The following NELL1 variants were observed in gnomAD, a reference collection of about 807,000 sequenced individuals.
The protein encoded by NELL1 is protein kinase C-binding protein NELL1.
Under a neutral mutation model 107.4 loss-of-function variants are expected in NELL1, and 76 were observed. The ratio of observed to expected loss-of-function variants is 0.71; its 90% confidence interval spans 0.59 to 0.86. NELL1 has a LOEUF of 0.86. Ranked by LOEUF, NELL1 falls within the 40% of genes least tolerant of loss-of-function variation. NELL1 has a pLI of 0.00. For synonymous variants in NELL1, 353 were observed against 341.2 expected (o/e 1.03, Z -0.38); for missense variants, 1,024 against 1,005.5 (o/e 1.02, Z -0.25).
intron 2 of NELL1, among the ~76,000 whole-genome samples, chr11:20,778,420 T>C (rs1277267821): frequency 6.6e-6 from 1 of 151,752 alleles, no homozygotes; most frequent in Non-Finnish European, 1.5e-5. Flanking sequence ...TGAAGTTGCT[T>C]CTATTTGAGG....
intron 14 of NELL1, among the ~76,000 whole-genome samples, chr11:21,339,727 C>T (rs1460568168): frequency 1.3e-5 from 2 of 152,136 alleles, no homozygotes; most frequent in African/African-American, 4.8e-5. Flanking sequence ...ATTGTAGCTA[C>T]CAATAAGAAT....
At chr11:20,724,099 C>T (rs888189135) in intron 2 of NELL1, among the ~76,000 whole-genome samples, 1 of 151,622 alleles carries the variant, frequency 6.6e-6, no homozygotes, top group Non-Finnish European at 1.5e-5. Flanking sequence ...GCAGCTGGGC[C>T]CTGGGCCTGG....
chr11:21,298,799 G>GCAA (rs775187577), intron 14 of NELL1, among the ~76,000 whole-genome samples: 1 of 151,942 alleles, frequency 6.6e-6, no homozygotes, highest in Non-Finnish European at 1.5e-5. Context: ...AGCAGCAGCA[G>GCAA]CAACAACAAC....
At chr11:21,302,954 A>G (rs1849526174) in intron 14 of NELL1, among the ~76,000 whole-genome samples, 2 of 151,910 alleles carry the variant, frequency 1.3e-5, no homozygotes, top group East Asian at 1.9e-4. Context: ...CTAGGAACTC[A>G]AGAGACTGAA....
chr11:21,560,062 C>T, intron 16 of NELL1, 127 bp from the exon 17 acceptor site: 1 of 837,250 alleles, frequency 1.2e-6, no homozygotes, highest in South Asian at 1.5e-5. Flanking sequence ...TACATGTGAA[C>T]AGCTTGGCAG....
intron 14 of NELL1, among the ~76,000 whole-genome samples, chr11:21,331,920 T>A (rs886744043): frequency 3.3e-5 from 5 of 152,000 alleles, no homozygotes; most frequent in African/African-American, 1.2e-4. Flanking sequence ...CTAAATAAAA[T>A]CAGTGATTTT....
chr11:21,195,567 T>TAAAAAA (rs71063692), intron 13 of NELL1, among the ~76,000 whole-genome samples: 1 of 134,670 alleles, frequency 7.4e-6, no homozygotes, highest in African/African-American at 2.8e-5. Flanking sequence ...TTAAGAAAAG[T>TAAAAAA]AAAAAAAAAA....
chr11:21,489,520 T>G (rs116226356), intron 15 of NELL1, among the ~76,000 whole-genome samples: 350 of 151,074 alleles, frequency 2.3e-3, no homozygotes, highest in African/African-American at 8.1e-3. Context: ...ATATCCCTGA[T>G]GAAATTAGAT....
rs568967015 is a variant in NELL1, at chr11:21,283,870, T to C, written c.1549+54416T>C. The C allele has an allele frequency of 8.5e-4, 192 of 224,970 alleles. 2 individuals carry two copies. The South Asian group carries it at 9.7e-3, about 11-fold the overall frequency. The allele number at this position is 224,970 out of a possible 1,614,324, so 13.9% of individuals were successfully genotyped here. On this transcript the variant is annotated intron_variant, in intron 14 of 19. Transcript: ENST00000357134. ...TTGGCTACTCCTGGGATATTTTACT[T>C]GGCTGTGAGATCCCCCTGAGAAGCT...
At chr11:20,693,344 T>G (rs1336860053) in intron 2 of NELL1, among the ~76,000 whole-genome samples, 2 of 152,092 alleles carry the variant, frequency 1.3e-5, no homozygotes, top group Admixed American at 6.6e-5. Context: ...GTTAGCTGGT[T>G]ATTTTGCTTG....
At chr11:20,804,511 C>T (rs1049505460) in intron 3 of NELL1, among the ~76,000 whole-genome samples, 6 of 152,336 alleles carry the variant, frequency 3.9e-5, no homozygotes, top group Admixed American at 3.3e-4. Flanking sequence ...GCTGGGAATA[C>T]AGGCAATTTT....
intron 13 of NELL1, among the ~76,000 whole-genome samples, chr11:21,163,513 A>G (rs1856417583): frequency 2.0e-5 from 3 of 152,156 alleles, no homozygotes; most frequent in Admixed American, 2.0e-4. Flanking sequence ...TGAATCCCTA[A>G]TCCCCAATGT....
chr11:21,532,296 CT>C (rs1856010352), intron 15 of NELL1, among the ~76,000 whole-genome samples: 1 of 152,182 alleles, frequency 6.6e-6, no homozygotes, highest in Non-Finnish European at 1.5e-5. Flanking sequence ...AACTTCTGCC[CT>C]GCTGAATCAT....
At chr11:21,104,921 AC>A (rs1319030215) in intron 12 of NELL1, among the ~76,000 whole-genome samples, 3 of 152,190 alleles carry the variant, frequency 2.0e-5, no homozygotes, top group Non-Finnish European at 4.4e-5. Context: ...GAAAGAGAGC[AC>A]TATATGTCTG....
chr11:20,791,219 G>A (rs879379044), intron 3 of NELL1, among the ~76,000 whole-genome samples: 2 of 152,034 alleles, frequency 1.3e-5, no homozygotes, highest in Non-Finnish European at 2.9e-5. Context: ...AACATGGGGT[G>A]TCTTTCTACT....
At chr11:21,388,880 A>T (rs1264382027) in intron 15 of NELL1, among the ~76,000 whole-genome samples, 1 of 151,978 alleles carries the variant, frequency 6.6e-6, no homozygotes, top group Non-Finnish European at 1.5e-5. Flanking sequence ...GAAATTTCTG[A>T]ATAGGCATCT....
At chr11:20,930,389 T>C (rs1850593352) in intron 9 of NELL1, among the ~76,000 whole-genome samples, 1 of 152,188 alleles carries the variant, frequency 6.6e-6, no homozygotes, top group South Asian at 2.1e-4. Flanking sequence ...TATTATTATG[T>C]TTTAAAAACT....
chr11:21,128,512 G>A (rs1237546028), intron 13 of NELL1, among the ~76,000 whole-genome samples: 1 of 152,108 alleles, frequency 6.6e-6, no homozygotes, highest in African/African-American at 2.4e-5. Flanking sequence ...GAATTTTGAG[G>A]AAGTGTTGAA....
intron 3 of NELL1, among the ~76,000 whole-genome samples, chr11:20,815,978 A>G (rs947071948): frequency 1.3e-5 from 2 of 151,876 alleles, no homozygotes; most frequent in Non-Finnish European, 2.9e-5. Flanking sequence ...GTGTGGTTTC[A>G]TTTTCAGGGT....
Sources: allele counts gnomAD v4.1 joint callset (sites outside exome capture counted in the v4.1 genomes callset), GRCh38; gene constraint gnomAD v4.1.1; transcripts MANE v1.5; gene names NCBI Gene and HGNC (gene_info 2026-07-23, HGNC 2026-07-21).